The following CDH13 variants were observed in gnomAD, a reference collection of about 807,000 sequenced individuals.
CDH13 encodes the protein cadherin-13.
In CDH13, 24 loss-of-function variants were observed where a neutral mutation model predicts 63.8. The ratio of observed to expected loss-of-function variants is 0.38; its 90% CI spans 0.27 to 0.53. CDH13 has a LOEUF of 0.53. Ranked by LOEUF, CDH13 falls within the 20% of genes least tolerant of loss-of-function variation. The pLI is 0.85. For missense variants in CDH13, 1,049 were observed against 903.1 expected (o/e 1.16, Z -2.07); for synonymous variants, 503 against 355.3 (o/e 1.42, Z -4.67).
Position 83,344,963 on chromosome 16 carries a change from G to GT in CDH13, c.738_739insT (p.Glu247Ter). On this transcript the variant is annotated frameshift_variant, in exon 6 of 14. Transcript: ENST00000567109. LOFTEE classifies it high-confidence loss of function. ...AGAATGACAACCGACCGATCTTTCG[G>GT]GAAGGCCCCTACATCGGCCACGTCA... The GT allele has an allele frequency of 6.2e-7, 1 of 1,613,974 alleles. No individual in the cohort carries two copies. The highest frequency in any genetic ancestry group is 8.5e-7 in the Non-Finnish European group (1 of 1,179,862).
chr16:83,060,253 G>C (rs962646338), intron 3 of CDH13, among the ~76,000 whole-genome samples: 1 of 152,108 alleles, frequency 6.6e-6, no homozygotes, highest in Non-Finnish European at 1.5e-5. Flanking sequence ...CAACTTCTTT[G>C]GTTCAAATTA....
intron 1 of CDH13, among the ~76,000 whole-genome samples, chr16:82,647,689 G>T (rs1028049820): frequency 6.6e-6 from 1 of 152,178 alleles, no homozygotes; most frequent in South Asian, 2.1e-4. Flanking sequence ...GACTACTCCA[G>T]CCTCAGAGAA....
chr16:82,899,718 C>G (rs1405282897), intron 2 of CDH13, among the ~76,000 whole-genome samples: 1 of 152,196 alleles, frequency 6.6e-6, no homozygotes, highest in African/African-American at 2.4e-5. Flanking sequence ...CATTTCTCAC[C>G]TGGCCCATTT....
At chr16:82,666,326 G>A (rs1555531007) in intron 1 of CDH13, among the ~76,000 whole-genome samples, 2 of 152,194 alleles carry the variant, frequency 1.3e-5, no homozygotes, top group African/African-American at 2.4e-5. Flanking sequence ...TAACAGCACT[G>A]CTTTGGTAAG....
chr16:83,249,705 G>T (rs748800925), intron 5 of CDH13, among the ~76,000 whole-genome samples: 47 of 152,160 alleles, frequency 3.1e-4, no homozygotes, highest in African/African-American at 1.1e-3. Flanking sequence ...GGATATGTCT[G>T]TCTCCAATTC....
intron 8 of CDH13, among the ~76,000 whole-genome samples, chr16:83,634,003 C>A (rs958339319): frequency 6.6e-6 from 1 of 152,188 alleles, no homozygotes; most frequent in Non-Finnish European, 1.5e-5. Flanking sequence ...TCAGCTTCCT[C>A]CGTAGTAACA....
intron 1 of CDH13, among the ~76,000 whole-genome samples, chr16:82,785,936 C>A (rs1159338425): frequency 2.0e-5 from 3 of 152,210 alleles, no homozygotes; most frequent in Admixed American, 2.0e-4. Context: ...ATCCCTGATG[C>A]ACGTGGCCCC....
intron 6 of CDH13, among the ~76,000 whole-genome samples, chr16:83,482,852 G>T (rs1191694315): frequency 6.6e-6 from 1 of 152,116 alleles, no homozygotes; most frequent in Admixed American, 6.5e-5. Flanking sequence ...TGAGAGAGAG[G>T]GCTGTCCTGC....
In CDH13 at chr16:83,138,533, T is replaced by C. The variant is rs59459914; in HGVS notation, c.483+13032T>C. Among the ~76,000 whole-genome samples the C allele has an allele frequency of 1.8e-3, 272 of 152,236 alleles. 1 individual carries two copies. Among genetic ancestry groups the C allele is most frequent in the African/African-American group, 5.6e-3 (232 of 41,522 alleles). On this transcript the variant is annotated intron_variant, in intron 4 of 13. Transcript: ENST00000567109. The stretch of plus-strand genomic sequence containing the variant: ...TACGGGCGAGAGGGACGGTGGTCTG[T>C]CCAGAGAGGTGAGAATAATTCAAAG...
At chr16:82,663,608 T>A (rs1912237271) in intron 1 of CDH13, among the ~76,000 whole-genome samples, 2 of 152,218 alleles carry the variant, frequency 1.3e-5, no homozygotes, top group South Asian at 4.1e-4. Context: ...TCTAAAAAGT[T>A]CAAAAGCATC....
intron 8 of CDH13, among the ~76,000 whole-genome samples, chr16:83,646,704 AAAAAAAAAACACAC>A (rs1911840281): frequency 1.6e-5 from 1 of 62,686 alleles, no homozygotes; most frequent in Non-Finnish European, 3.2e-5. Flanking sequence ...AAAAAAAAAA[AAAAAAAAAACACAC>A]ACACACACAC....
At chr16:83,031,878 G>T in intron 2 of CDH13, 132 bp from the exon 3 acceptor site, 1 of 707,110 alleles carries the variant, frequency 1.4e-6, no homozygotes, top group East Asian at 2.7e-5. Flanking sequence ...CTTGCTGTGG[G>T]ATAAAACGTA....
intron 7 of CDH13, among the ~76,000 whole-genome samples, chr16:83,504,669 A>G (rs1379232277): frequency 6.6e-6 from 1 of 152,200 alleles, no homozygotes; most frequent in Non-Finnish European, 1.5e-5. Context: ...GGGAGATAAC[A>G]GCCTCATCCT....
In CDH13 at chr16:82,981,530, C is replaced by T. The variant is rs944838921; in HGVS notation, c.158-50480C>T. Among the ~76,000 whole-genome samples the T allele has an allele frequency of 3.3e-5, 5 of 152,146 alleles. No individual in the cohort carries two copies. In the East Asian group the frequency reaches 9.7e-4, roughly 29 times the overall value. ...AGAGTCTTTCCTTGTTAGGGCTTAA[C>T]CCTTTAAACTAGTCTTCCCCTGCTG... On this transcript the variant is annotated intron_variant, in intron 2 of 13. Transcript: ENST00000567109.
intron 5 of CDH13, among the ~76,000 whole-genome samples, chr16:83,308,296 G>C (rs74034105): frequency 1.3e-5 from 2 of 152,156 alleles, no homozygotes; most frequent in African/African-American, 4.8e-5. Flanking sequence ...TCATGAAGGG[G>C]TTCATTAGCA....
intron 10 of CDH13, among the ~76,000 whole-genome samples, chr16:83,743,806 G>T (rs559337131): frequency 8.6e-6 from 1 of 115,610 alleles, no homozygotes; most frequent in African/African-American, 3.3e-5. Flanking sequence ...CCAACAGAAG[G>T]AGAAAAGATG....
At position 82,858,347 on chromosome 16, in the gene CDH13, CT is replaced by C; in HGVS notation, c.46-12del. ...TAAGCCGCTATTAAAATATTGATGG[CT>C]TTGGTTTTCTCAGGTGCTGCTGCTA... On this transcript the variant is annotated splice_polypyrimidine_tract_variant and intron_variant, in intron 1 of 13. Coordinates refer to ENST00000567109, the MANE Select transcript of CDH13 (RefSeq NM_001257.5). 6.4e-7 allele frequency: 1 copy of C among 1,570,456 alleles called. No individual in the cohort carries two copies. Among genetic ancestry groups the C allele is most frequent in the Non-Finnish European group, 8.8e-7 (1 of 1,140,774 alleles).
intron 7 of CDH13, among the ~76,000 whole-genome samples, chr16:83,550,516 C>T (rs952271220): frequency 2.0e-5 from 3 of 152,190 alleles, no homozygotes; most frequent in African/African-American, 7.2e-5. Flanking sequence ...AGCAGTTAAT[C>T]CGATGGCAAA....
intron 11 of CDH13, among the ~76,000 whole-genome samples, chr16:83,758,861 C>T (rs1001378217): frequency 1.3e-5 from 2 of 152,112 alleles, no homozygotes; most frequent in Non-Finnish European, 2.9e-5. Flanking sequence ...CAAATGACTG[C>T]CTAAGATAAT....
Sources: allele counts gnomAD v4.1 joint callset (sites outside exome capture counted in the v4.1 genomes callset), GRCh38; gene constraint gnomAD v4.1.1; transcripts MANE v1.5; gene names NCBI Gene and HGNC (gene_info 2026-07-23, HGNC 2026-07-21).